Variants in TUBA3D observed in about 807,000 individuals in gnomAD.
The protein encoded by TUBA3D is tubulin alpha-3D chain.
In TUBA3D, 24 loss-of-function variants were observed where a neutral mutation model predicts 36.1. That is an observed-to-expected ratio of 0.66 (90% CI 0.48 to 0.93). TUBA3D has a LOEUF of 0.93. TUBA3D is among the 40% of genes least tolerant of loss of function. TUBA3D has a pLI of 0.00. For missense variants in TUBA3D, 356 were observed against 614.5 expected, an observed-to-expected ratio of 0.58 and a Z score of 4.45; for synonymous variants, 185 against 247.2, an observed-to-expected ratio of 0.75 and a Z score of 2.36.
chr2:131,481,100 C>T (rs571809187), intron 4 of TUBA3D, among the ~76,000 whole-genome samples: 16 of 151,444 alleles, frequency 1.1e-4, no homozygotes, highest in East Asian at 2.0e-4. Context: ...GATGGGGTTT[C>T]GCCATGTTGG....
intron 1 of TUBA3D, among the ~76,000 whole-genome samples, chr2:131,477,484 G>A (rs1238480585): frequency 6.6e-6 from 1 of 152,088 alleles, no homozygotes; most frequent in Non-Finnish European, 1.5e-5. Flanking sequence ...CCTGCCAAAA[G>A]TGTGGCCTTG....
rs1678911960 is a variant in TUBA3D at position 131,482,926 on chromosome 2, T to A, written c.*78T>A. The A allele has an allele frequency of 9.6e-6, 15 of 1,557,862 alleles. No homozygotes were observed. The highest frequency in any genetic ancestry group is 1.3e-5 in the Non-Finnish European group (15 of 1,151,314). ...GTTGTTTGCAATTAAAGGTTCTGTATAAAACCAAGCCCTCTGTGTGTCGTG... is the reference window on the plus strand; with the variant it reads ...GTTGTTTGCAATTAAAGGTTCTGTAAAAAACCAAGCCCTCTGTGTGTCGTG... On this transcript the variant is annotated 3_prime_UTR_variant, in exon 5 of 5. Transcript: ENST00000321253.
chr2:131,480,858 G>C, intron 4 of TUBA3D, 109 bp downstream of exon 4: 1 of 1,440,088 alleles, frequency 6.9e-7, no homozygotes, highest in Non-Finnish European at 9.4e-7. Flanking sequence ...CCATGGGCTA[G>C]GCATGTGGGC....
chr2:131,478,631 G>T, intron 2 of TUBA3D: 1 of 717,720 alleles, frequency 1.4e-6, no homozygotes, highest in Non-Finnish European at 2.2e-6. Flanking sequence ...GGGCTGTGAA[G>T]AGATTCCCTC....
chr2:131,478,206 A>G lies in TUBA3D; in HGVS notation c.46A>G (p.Ile16Val), dbSNP rs1374834503. The G allele has an allele frequency of 1.2e-6, 2 of 1,614,008 alleles. No individual in the cohort carries two copies. Among genetic ancestry groups the G allele is most frequent in the Admixed American group, 3.3e-5 (2 of 60,004 alleles). ...CCACGTGGGGCAGGCGGGTGTCCAG[A>G]TCGGCAATGCCTGCTGGGAACTGTA... Reference protein sequence around the residue: ...SIHVGQAGVQIGNACWELYCL... With the variant: ...SIHVGQAGVQVGNACWELYCL... The change falls in exon 2 of 5, where the codon ATC becomes GTC. Residue 16 changes from isoleucine (I) to valine (V), a missense_variant. Around this residue, in one of 3 missense-constraint regions of TUBA3D, gnomAD observed 109 missense variants for 153.7 expected, o/e 0.71. Transcript: ENST00000321253.
chr2:131,480,234 G>C lies in TUBA3D; in HGVS notation c.541G>C (p.Val181Leu). 1 of 1,613,974 alleles carries C rather than the reference G, an allele frequency of 6.2e-7. No individual in the cohort carries two copies. The highest frequency in any genetic ancestry group is 1.7e-5 in the Admixed American group (1 of 60,006). ...IYPAPQVSTA[V>L]VEPYNSILTT... ...CCCAGCCCCCCAGGTCTCCACAGCC[G>C]TGGTGGAGCCCTACAACTCCATCCT... Residue 181 changes from valine to leucine, a missense_variant, in exon 4 of 5, where the codon GTG (valine) becomes CTG (leucine). Physicochemically the swap from Val to Leu is conservative, Grantham distance 32 (BLOSUM62 1). Coordinates refer to ENST00000321253, the MANE Select transcript of TUBA3D (RefSeq NM_080386.4).
Position 131,480,239 on chromosome 2 carries a change from G to A in TUBA3D, c.546G>A (p.Val182=), listed in dbSNP as rs1183299030. ...YPAPQVSTAV[V]EPYNSILTTH... ...CCCCCCAGGTCTCCACAGCCGTGGT[G>A]GAGCCCTACAACTCCATCCTGACCA... Residue 182 remains valine (V), a synonymous_variant, in exon 4 of 5, where the codon GTG becomes GTA. Transcript: ENST00000321253. 6.2e-7 allele frequency: 1 copy of A among 1,613,910 alleles called. No individual in the cohort carries two copies. The highest frequency in any genetic ancestry group is 8.5e-7 in the Non-Finnish European group (1 of 1,180,030).
Position 131,478,309 on chromosome 2 carries a change from A to G in TUBA3D, c.149A>G (p.Asn50Ser). The G allele has an allele frequency of 1.2e-6, 2 of 1,613,986 alleles. No individual in the cohort carries two copies. Among genetic ancestry groups the G allele is most frequent in the Non-Finnish European group, 1.7e-6 (2 of 1,179,876 alleles). ...ATTGGTGGCGGGGACGACTCCTTCAACACGTTCTTCAGTGAGACTGGAGCT... is the reference window on the plus strand; with the variant it reads ...ATTGGTGGCGGGGACGACTCCTTCAGCACGTTCTTCAGTGAGACTGGAGCT... ...KTIGGGDDSF[N>S]TFFSETGAGK... Residue 50 changes from asparagine (N) to serine (S), a missense_variant, in exon 2 of 5, where the codon AAC becomes AGC. Asn to Ser is a conservative substitution (Grantham distance 46, BLOSUM62 1). Transcript: ENST00000321253.
chr2:131,482,876 C>T lies in TUBA3D; in HGVS notation c.*28C>T. 1 of 1,599,974 alleles carries T rather than the reference C, an allele frequency of 6.3e-7. No homozygotes were observed. Among genetic ancestry groups the T allele is most frequent in the Non-Finnish European group, 8.5e-7 (1 of 1,171,816 alleles). The stretch of plus-strand genomic sequence containing the variant: ...GGAGGGTGTGGTGGGTTCTCCCCTG[C>T]CACCCCCGGGATGGCTGCTTCCAAG... On this transcript the variant is annotated 3_prime_UTR_variant, in exon 5 of 5. Coordinates refer to ENST00000321253, the MANE Select transcript of TUBA3D (RefSeq NM_080386.4).
chr2:131,478,548 T>C (rs1345268721), intron 2 of TUBA3D, among the ~76,000 whole-genome samples, 162 bp downstream of exon 2: 1 of 152,260 alleles, frequency 6.6e-6, no homozygotes, highest in Non-Finnish European at 1.5e-5. Flanking sequence ...GTGATCAAAG[T>C]GTCTGTGAGA....
Position 131,479,330 on chromosome 2 carries a change from C to T in TUBA3D, c.249C>T (p.Tyr83=), listed in dbSNP as rs749604025. 8.7e-6 allele frequency: 14 copies of T among 1,613,978 alleles called. No individual in the cohort carries two copies. The highest frequency in any genetic ancestry group is 1.6e-4 in the Middle Eastern group (1 of 6,080). The change falls in exon 3 of 5, where the codon TAC becomes TAT. Residue 83 remains tyrosine, a synonymous_variant. Transcript: ENST00000321253. The part of the protein sequence containing the change: ...TVVDEVRTGT[Y]RQLFHPEQLI... ...CAGATGAAGTGCGCACAGGGACCTA[C>T]AGGCAGCTCTTCCACCCGGAGCAGC...
Position 131,480,178 on chromosome 2 carries a change from G to C in TUBA3D, c.485G>C (p.Gly162Ala). 1.2e-6 allele frequency: 2 copies of C among 1,613,892 alleles called. No individual in the cohort carries two copies. Among genetic ancestry groups the C allele is most frequent in the Non-Finnish European group, 1.7e-6 (2 of 1,180,018 alleles). ...LLMERLSVDYGKKSKLEFAIY... is the reference protein window; with the variant it reads ...LLMERLSVDYAKKSKLEFAIY... ...ATGGAGCGGCTCTCAGTGGATTACG[G>C]CAAGAAGTCCAAGCTAGAGTTTGCC... The change falls in exon 4 of 5, where the codon GGC becomes GCC. Residue 162 changes from glycine to alanine, a missense_variant. Gly to Ala is a moderately conservative substitution (Grantham distance 60, BLOSUM62 0). This residue lies in a region of TUBA3D where 91 missense variants were observed against 240.9 expected (regional missense o/e 0.38). Transcript: ENST00000321253.
intron 1 of TUBA3D, among the ~76,000 whole-genome samples, chr2:131,476,754 C>T (rs1678685877): frequency 6.6e-6 from 1 of 151,864 alleles, no homozygotes; most frequent in Non-Finnish European, 1.5e-5. Flanking sequence ...ACCAACATGG[C>T]GAAACCCAGT....
chr2:131,476,459 C>T (rs1678670458), intron 1 of TUBA3D, among the ~76,000 whole-genome samples: 1 of 152,180 alleles, frequency 6.6e-6, no homozygotes, highest in Non-Finnish European at 1.5e-5. Flanking sequence ...CCCCAGAGAG[C>T]AAATAGTGGC....
In TUBA3D at chr2:131,482,752, T is replaced by C. The variant is rs1295566047; in HGVS notation, c.1257T>C (p.Ser419=). The C allele has an allele frequency of 6.2e-7, 1 of 1,614,154 alleles. No individual in the cohort carries two copies. Among genetic ancestry groups the C allele is most frequent in the Admixed American group, 1.7e-5 (1 of 60,018 alleles). Residue 419 remains serine, a synonymous_variant, in exon 5 of 5, where the codon TCT becomes TCC. Transcript: ENST00000321253. Reference sequence around the variant, plus strand: ...AAGGCATGGAAGAGGGAGAGTTCTCTGAGGCCCGCGAGGACCTGGCAGCTC... The same window carrying C: ...AAGGCATGGAAGAGGGAGAGTTCTCCGAGGCCCGCGAGGACCTGGCAGCTC... ...VGEGMEEGEF[S]EAREDLAALE...
At chr2:131,480,807 G>C in intron 4 of TUBA3D, 58 bp downstream of exon 4, 1 of 1,570,212 alleles carries the variant, frequency 6.4e-7, no homozygotes, top group South Asian at 1.2e-5. Flanking sequence ...AAATAACACT[G>C]GCCCTGAAGG....
intron 1 of TUBA3D, among the ~76,000 whole-genome samples, chr2:131,476,555 C>T (rs1038216190): frequency 1.3e-5 from 2 of 152,182 alleles, no homozygotes; most frequent in African/African-American, 4.8e-5. Flanking sequence ...CAGGAGCCTT[C>T]GGTGACGGGG....
chr2:131,482,490 T>G, intron 4 of TUBA3D, 62 bp from the exon 5 acceptor site: 8 of 1,538,716 alleles, frequency 5.2e-6, no homozygotes, highest in African/African-American at 1.4e-5. Flanking sequence ...TGAGGAAAAG[T>G]AGCTACCATT....
rs781528095 is a variant in TUBA3D, at chr2:131,480,660, G to A, written c.967G>A (p.Val323Met). Residue 323 changes from valine (V) to methionine (M), a missense_variant, in exon 4 of 5, where the codon GTG becomes ATG. Around this residue, in one of 3 missense-constraint regions of TUBA3D, gnomAD observed 156 missense variants for 219.8 expected, o/e 0.71. Coordinates refer to ENST00000321253, the MANE Select transcript of TUBA3D (RefSeq NM_080386.4). ...CTGCTGCATGTTGTACAGGGGGGACGTGGTCCCCAAAGACGTCAACGCGGC... is the reference window on the plus strand; with the variant it reads ...CTGCTGCATGTTGTACAGGGGGGACATGGTCCCCAAAGACGTCAACGCGGC... ...MACCMLYRGD[V>M]VPKDVNAAIA... 8 of 1,613,766 alleles carry A rather than the reference G, an allele frequency of 5.0e-6. No homozygotes were observed. The highest frequency in any genetic ancestry group is 1.7e-5 in the Admixed American group (1 of 59,994).
Sources: gnomAD v4.1 joint callset for allele counts (sites outside exome capture counted in the v4.1 genomes callset) on GRCh38, gnomAD v4.1.1 for gene constraint, gnomAD v4.1.1 regional missense constraint, MANE v1.5 for transcripts, NCBI Gene and HGNC (gene_info 2026-07-23, HGNC 2026-07-21) for gene names.